CSNK2A2: variants seen among roughly 807,000 people sequenced by gnomAD.
CSNK2A2 encodes the protein casein kinase 2 alpha 2.
CSNK2A2 carries 8 observed loss-of-function variants against 54.0 expected under a neutral mutation model. The ratio of observed to expected loss-of-function variants is 0.15; its 90% CI spans 0.09 to 0.27. The LOEUF is 0.27. Among genes scored for constraint, CSNK2A2 ranks in the 10% least tolerant of loss-of-function variants. The pLI is 1.00. For missense variants in CSNK2A2, 242 were observed against 439.4 expected (o/e 0.55, Z 4.02); for synonymous variants, 141 against 153.9 (o/e 0.92, Z 0.62).
At chr16:58,175,201 G>A (rs576284873) in intron 4 of CSNK2A2, among the ~76,000 whole-genome samples, 2 of 152,256 alleles carry the variant, frequency 1.3e-5, no homozygotes, top group African/African-American at 4.8e-5. Context: ...TTCATTATTG[G>A]TAATCCAGAG....
intron 2 of CSNK2A2, among the ~76,000 whole-genome samples, chr16:58,188,990 T>C (rs1380045932): frequency 6.7e-5 from 9 of 133,524 alleles, no homozygotes; most frequent in African/African-American, 2.6e-4. Flanking sequence ...GGAGTCTCAC[T>C]CCGTGGCCCA....
chr16:58,186,038 C>A (rs1248332099), intron 3 of CSNK2A2, among the ~76,000 whole-genome samples: 1 of 152,252 alleles, frequency 6.6e-6, no homozygotes, highest in East Asian at 1.9e-4. Flanking sequence ...GGGAGGATAA[C>A]AGGGAAATAT....
chr16:58,174,614 G>A, intron 4 of CSNK2A2, 104 bp from the exon 5 acceptor site: 1 of 738,540 alleles, frequency 1.4e-6, no homozygotes. Context: ...AAGTGACTAA[G>A]GAATCCCATG....
intron 4 of CSNK2A2, among the ~76,000 whole-genome samples, chr16:58,180,078 C>CAAAAAA (rs71385152): frequency 1.1e-5 from 1 of 91,006 alleles, no homozygotes; most frequent in Non-Finnish European, 2.3e-5. Flanking sequence ...GACTCCTTCT[C>CAAAAAA]AAAAAAAAAA....
intron 6 of CSNK2A2, among the ~76,000 whole-genome samples, 195 bp downstream of exon 6, chr16:58,168,415 G>A (rs1283254124): frequency 2.0e-5 from 3 of 152,162 alleles, no homozygotes; most frequent in Non-Finnish European, 4.4e-5. Flanking sequence ...AGTTACTATA[G>A]TTAAACCGTC....
intron 11 of CSNK2A2, chr16:58,159,668 A>G (rs1054044716): frequency 2.6e-5 from 4 of 152,228 alleles, no homozygotes; most frequent in African/African-American, 9.6e-5. Flanking sequence ...ATCATACATC[A>G]GTCATCCAGT....
At chr16:58,177,867 G>A (rs558330134) in intron 4 of CSNK2A2, among the ~76,000 whole-genome samples, 30 of 152,184 alleles carry the variant, frequency 2.0e-4, no homozygotes, top group Non-Finnish European at 3.5e-4. Context: ...TAACCTCTAA[G>A]TTCCAGAATA....
intron 11 of CSNK2A2, chr16:58,163,142 G>T (rs553359073): frequency 2.5e-4 from 38 of 150,550 alleles, no homozygotes; most frequent in Non-Finnish European, 8.8e-5. Flanking sequence ...TGACTTTCCA[G>T]CTTTAGTTAT....
At chr16:58,163,924 A>C in intron 11 of CSNK2A2, 130 bp downstream of exon 11, 1 of 699,858 alleles carries the variant, frequency 1.4e-6, no homozygotes. Context: ...TTTTTGACAG[A>C]CTTTTAGGTC....
At chr16:58,166,196 A>G (rs1265215492) in intron 9 of CSNK2A2, among the ~76,000 whole-genome samples, 4 of 152,248 alleles carry the variant, frequency 2.6e-5, no homozygotes, top group Non-Finnish European at 5.9e-5. Context: ...ACAGAGAACA[A>G]GAAGAAATTG....
Position 58,171,973 on chromosome 16 carries a change from ATATATATTTTTTTT to A in CSNK2A2, c.429+2464_429+2477del, listed in dbSNP as rs1387931680. Among the ~76,000 whole-genome samples, 115 of 37,818 alleles carry A rather than the reference ATATATATTTTTTTT, an allele frequency of 3.0e-3. 1 individual carries two copies. Among genetic ancestry groups the A allele is most frequent in the African/African-American group, 0.017 (110 of 6,418 alleles). The allele number at this position is 37,818 out of a possible 152,430, so 24.8% of individuals were successfully genotyped here. On this transcript the variant is annotated intron_variant, in intron 5 of 11. Transcript: ENST00000262506. ...CTGGAGCATGCATATATATATATAT[ATATATATTTTTTTT>A]TTTTTTTTTTTTTTGGTAGCTATGG...
At chr16:58,166,265 A>C (rs912302170) in intron 9 of CSNK2A2, among the ~76,000 whole-genome samples, 4 of 152,226 alleles carry the variant, frequency 2.6e-5, no homozygotes, top group Non-Finnish European at 5.9e-5. Context: ...AAAACAAACT[A>C]AGTCTCTTAT....
chr16:58,172,256 G>A (rs555754531), intron 5 of CSNK2A2, among the ~76,000 whole-genome samples: 9 of 152,070 alleles, frequency 5.9e-5, no homozygotes, highest in Admixed American at 3.3e-4. Context: ...AAGACTGTAC[G>A]TTTAAGATTT....
At chr16:58,171,404 T>A (rs1436226479) in intron 5 of CSNK2A2, among the ~76,000 whole-genome samples, 1 of 151,840 alleles carries the variant, frequency 6.6e-6, no homozygotes, top group African/African-American at 2.4e-5. Context: ...GTGCCTGTAA[T>A]CCCAACTACT....
intron 5 of CSNK2A2, among the ~76,000 whole-genome samples, chr16:58,171,979 ATTTT>A (rs746200172): frequency 0.045 from 2,933 of 65,708 alleles, 47 homozygotes; most frequent in Non-Finnish European, 0.056. Flanking sequence ...ATATATATAT[ATTTT>A]TTTTTTTTTT....
intron 4 of CSNK2A2, among the ~76,000 whole-genome samples, chr16:58,179,615 T>C (rs759347245): frequency 6.6e-6 from 1 of 152,190 alleles, no homozygotes; most frequent in Non-Finnish European, 1.5e-5. Context: ...CTGATTGTGC[T>C]ACTCCTTCCA....
chr16:58,163,785 A>G (rs950516772), intron 11 of CSNK2A2: 9 of 273,404 alleles, frequency 3.3e-5, no homozygotes, highest in African/African-American at 2.0e-4. Context: ...GTAAATGTAC[A>G]ACAACTCCGA....
At chr16:58,165,245 A>G (rs1961532262) in intron 10 of CSNK2A2, among the ~76,000 whole-genome samples, 1 of 152,228 alleles carries the variant, frequency 6.6e-6, no homozygotes, top group Non-Finnish European at 1.5e-5. Context: ...ATAATCTTCA[A>G]TTAGGTTTCC....
At position 58,164,564 on chromosome 16, in the gene CSNK2A2, G is replaced by A. The variant is rs533212026; in HGVS notation, c.977-417C>T. 2.0e-5 allele frequency among the ~76,000 whole-genome samples: 3 copies of A among 152,320 alleles called. No homozygotes were observed. The South Asian group carries it at 6.2e-4, about 32-fold the overall frequency. On this transcript the variant is annotated intron_variant, in intron 10 of 11. Transcript: ENST00000262506. The stretch of plus-strand genomic sequence containing the variant: ...GACCTATCCATTTTAAGCAACCGTA[G>A]TTTGAAATTTTTTAAATTGAAGTAT...
Sources: allele counts gnomAD v4.1 joint callset (sites outside exome capture counted in the v4.1 genomes callset), GRCh38; gene constraint gnomAD v4.1.1; transcripts MANE v1.5; gene names NCBI Gene and HGNC (gene_info 2026-07-23, HGNC 2026-07-21).